FER1L5: variants seen among roughly 807,000 people sequenced by gnomAD.
FER1L5 encodes fer-1 like family member 5, also known as fer-1-like protein 5.
A neutral mutation model predicts 279.9 loss-of-function variants in FER1L5; 187 were observed. The observed-to-expected ratio is 0.67, with a 90% CI of 0.59 to 0.75. FER1L5 has a LOEUF of 0.75. FER1L5 is among the 30% of genes least tolerant of loss of function. The pLI, the probability that FER1L5 is intolerant of heterozygous loss-of-function variation, is 0.00. For missense variants in FER1L5, 2,091 were observed against 2,594.4 expected (o/e 0.81, Z 4.21); for synonymous variants, 921 against 989.7 (o/e 0.93, Z 1.30).
At chr2:96,678,339 A>G (rs1380976652) in intron 19 of FER1L5, among the ~76,000 whole-genome samples, 1 of 152,096 alleles carries the variant, frequency 6.6e-6, no homozygotes, top group African/African-American at 2.4e-5. Flanking sequence ...CATGTTGCCC[A>G]GCCTGGTCTC....
chr2:96,703,394 C>A (rs1175731786), intron 50 of FER1L5, 48 bp downstream of exon 50: 3 of 1,596,420 alleles, frequency 1.9e-6, no homozygotes, highest in East Asian at 2.2e-5. Context: ...TGCCACATGT[C>A]CTGGCTCTAA....
intron 2 of FER1L5, among the ~76,000 whole-genome samples, chr2:96,646,765 C>T (rs1459807708): frequency 2.0e-5 from 3 of 152,192 alleles, no homozygotes; most frequent in Non-Finnish European, 2.9e-5. Flanking sequence ...GCTCCCTGTG[C>T]ATGACTCCCT....
rs760348184 is a variant in FER1L5, at chr2:96,663,968, C to T, written c.1140+461C>T. On this transcript the variant is annotated intron_variant, in intron 14 of 52. Coordinates refer to ENST00000624922, the MANE Select transcript of FER1L5 (RefSeq NM_001293083.2). ...TGAGGCAGGAGAGTTGCTTGAACCC[C>T]GGAGGTGGAAGTTGCAGTGAGCTGA... Among the ~76,000 whole-genome samples the T allele has an allele frequency of 3.2e-4, 49 of 152,030 alleles. No individual in the cohort carries two copies. In the Middle Eastern group the frequency reaches 0.017, roughly 53 times the overall value.
intron 19 of FER1L5, among the ~76,000 whole-genome samples, chr2:96,680,914 AC>A (rs1433241833): frequency 2.6e-5 from 4 of 152,184 alleles, no homozygotes; most frequent in African/African-American, 7.2e-5. Flanking sequence ...TTGCTTAACT[AC>A]AGCCACTCCT....
intron 17 of FER1L5, 106 bp from the exon 18 acceptor site, chr2:96,670,013 C>T (rs1573858380): frequency 2.8e-6 from 4 of 1,434,680 alleles, no homozygotes; most frequent in Middle Eastern, 4.9e-4. Context: ...AAGCCCCGGG[C>T]AGGCAGTGAC....
At chr2:96,659,658 A>G (rs988454756) in intron 9 of FER1L5, among the ~76,000 whole-genome samples, 1 of 150,236 alleles carries the variant, frequency 6.7e-6, no homozygotes, top group Non-Finnish European at 1.5e-5. Context: ...CGCCCGGCTA[A>G]TTTTTTGTAT....
intron 6 of FER1L5, 132 bp downstream of exon 6, chr2:96,650,421 G>C: frequency 1.4e-6 from 1 of 723,416 alleles, no homozygotes; most frequent in Non-Finnish European, 2.3e-6. Context: ...CTGGCCCTCA[G>C]ATCCTTGCCA....
chr2:96,676,616 C>T (rs1339674723), intron 19 of FER1L5, among the ~76,000 whole-genome samples: 2 of 150,420 alleles, frequency 1.3e-5, no homozygotes, highest in African/African-American at 4.9e-5. Context: ...TGTTCGTTTT[C>T]ATCAGGTATT....
chr2:96,697,476 A>T (rs1233835213), intron 37 of FER1L5, 50 bp from the exon 38 acceptor site: 4 of 1,593,954 alleles, frequency 2.5e-6, no homozygotes, highest in Non-Finnish European at 3.4e-6. Flanking sequence ...CTGAAGTCAG[A>T]GCCCATGAGT....
intron 14 of FER1L5, among the ~76,000 whole-genome samples, chr2:96,664,966 G>A (rs1351148015): frequency 6.6e-6 from 1 of 152,188 alleles, no homozygotes; most frequent in African/African-American, 2.4e-5. Context: ...CGGGCTACTT[G>A]TTCCTGCACT....
rs1048078395 is a variant in FER1L5 at position 96,701,975 on chromosome 2, G to A, written c.5091G>A (p.Val1697=). 5 of 1,613,960 alleles carry A rather than the reference G, an allele frequency of 3.1e-6. No homozygotes were observed. Among genetic ancestry groups the A allele is most frequent in the Non-Finnish European group, 4.2e-6 (5 of 1,179,876 alleles). Residue 1697 remains valine (V), a synonymous_variant, in exon 46 of 53, where the codon GTG becomes GTA. Coordinates refer to ENST00000624922, the MANE Select transcript of FER1L5 (RefSeq NM_001293083.2). ...GIDQGKVQMW[V]DIFPKKLGPP... ...TCTAGGGAAAGGTGCAAATGTGGGT[G>A]GACATCTTCCCCAAGAAGCTGGGGC...
At chr2:96,672,737 G>C (rs1032788438) in intron 18 of FER1L5, among the ~76,000 whole-genome samples, 1 of 151,962 alleles carries the variant, frequency 6.6e-6, no homozygotes, top group Non-Finnish European at 1.5e-5. Flanking sequence ...TGGGGGAAAG[G>C]GTTTAGGCAA....
At chr2:96,647,928 A>C in intron 4 of FER1L5, 42 bp downstream of exon 4, 2 of 1,477,030 alleles carry the variant, frequency 1.4e-6, no homozygotes, top group Non-Finnish European at 1.9e-6. Context: ...TGGCTGGAGG[A>C]ATGAGGGGAG....
At position 96,642,828 on chromosome 2, in the gene FER1L5, G is replaced by T. The variant is rs747206938; in HGVS notation, c.-9G>T. ...CGTAGGGAAGGAGGGAAGAAAGTAG[G>T]TCTCCGAGATGCTGCGGCTTGTGGT... On this transcript the variant is annotated 5_prime_UTR_variant, in exon 1 of 53. Transcript: ENST00000624922. 1 of 1,550,290 alleles carries T rather than the reference G, an allele frequency of 6.5e-7. No homozygotes were observed. The highest frequency in any genetic ancestry group is 8.7e-7 in the Non-Finnish European group (1 of 1,146,348).
At chr2:96,666,309 A>C (rs2076124969) in intron 14 of FER1L5, among the ~76,000 whole-genome samples, 1 of 150,670 alleles carries the variant, frequency 6.6e-6, no homozygotes, top group Non-Finnish European at 1.5e-5. Context: ...GTTCCGCCAT[A>C]AATCTGAACT....
rs1028758031 is a variant in FER1L5, at chr2:96,691,066, C to G, written c.2744-124C>G. 1 of 1,278,860 alleles carries G rather than the reference C, an allele frequency of 7.8e-7. No individual in the cohort carries two copies. Among genetic ancestry groups the G allele is most frequent in the Non-Finnish European group, 1.1e-6 (1 of 952,008 alleles). The allele number at this position is 1,278,860 out of a possible 1,614,324, so 79.2% of individuals were successfully genotyped here. A position where few individuals can be genotyped will look rare whatever the true frequency, so the allele number is the denominator to read the frequency against. On this transcript the variant is annotated intron_variant, in intron 27 of 52. Transcript: ENST00000624922. This position sits in a 1 kb window ranked among gnomAD's most constrained non-coding sequence, Gnocchi z 6.0. ...TGTAGCCACACTCTCCTTTCCACAC[C>G]TCAGGGCCAGAGACCTGGATGTGAG... is the stretch of plus-strand genomic sequence containing the variant.
intron 9 of FER1L5, among the ~76,000 whole-genome samples, chr2:96,656,644 A>G (rs1230218433): frequency 6.6e-6 from 1 of 152,188 alleles, no homozygotes; most frequent in Admixed American, 6.5e-5. Context: ...AAACAAAAAC[A>G]AAAAACAAAT....
Position 96,694,069 on chromosome 2 carries a change from T to C in FER1L5, c.3633T>C (p.Thr1211=), listed in dbSNP as rs2077263457. The C allele has an allele frequency of 6.5e-7, 1 of 1,540,672 alleles. No homozygotes were observed. Among genetic ancestry groups the C allele is most frequent in the Non-Finnish European group, 8.7e-7 (1 of 1,146,650 alleles). Residue 1211 remains threonine, a synonymous_variant, in exon 33 of 53, where the codon ACT becomes ACC. Coordinates refer to ENST00000624922, the MANE Select transcript of FER1L5 (RefSeq NM_001293083.2). This position sits in a 1 kb window ranked among gnomAD's most constrained non-coding sequence, Gnocchi z 4.6. ...CATCCTGTGAGCTGATCCTCCAGACTGAGGTATTGGGAGAGAGGGCCTGGC... is the reference window on the plus strand; with the variant it reads ...CATCCTGTGAGCTGATCCTCCAGACCGAGGTATTGGGAGAGAGGGCCTGGC... ...ILASCELILQ[T]EKLGEKQLPI... is the part of the protein sequence containing the mutation.
At chr2:96,651,239 CTT>C (rs2075351961) in intron 6 of FER1L5, among the ~76,000 whole-genome samples, 8 of 24,098 alleles carry the variant, frequency 3.3e-4, no homozygotes, top group African/African-American at 9.3e-4. Context: ...CTTTCTTTCT[CTT>C]TCTTTCTTTC....
Sources: gnomAD v4.1 joint callset for allele counts (sites outside exome capture counted in the v4.1 genomes callset) on GRCh38, gnomAD v4.1.1 for gene constraint, Gnocchi (gnomAD v3.1) non-coding constraint, MANE v1.5 for transcripts, NCBI Gene and HGNC (gene_info 2026-07-23, HGNC 2026-07-21) for gene names.